NUDCD1: variants seen among roughly 807,000 people sequenced by gnomAD.
The protein encoded by NUDCD1 is nudC domain-containing protein 1.
Under a neutral mutation model 67.8 loss-of-function variants are expected in NUDCD1, and 60 were observed. The ratio of observed to expected loss-of-function variants is 0.88; its 90% CI spans 0.72 to 1.10. The LOEUF is 1.10. Ranked by LOEUF, NUDCD1 falls within the 50% of genes least tolerant of loss-of-function variation. NUDCD1 has a pLI of 0.00. For missense variants in NUDCD1, 643 were observed against 695.0 expected, an observed-to-expected ratio of 0.93 and a Z score of 0.84; for synonymous variants, 244 against 230.8, an observed-to-expected ratio of 1.06 and a Z score of -0.52.
intron 2 of NUDCD1, among the ~76,000 whole-genome samples, chr8:109,309,852 T>C (rs1815200235): frequency 6.6e-6 from 1 of 151,482 alleles, no homozygotes; most frequent in Non-Finnish European, 1.5e-5. Context: ...CTCAACCCCT[T>C]TTACAATAGC....
At chr8:109,245,833 C>T (rs1176774587) in intron 8 of NUDCD1, among the ~76,000 whole-genome samples, 3 of 152,102 alleles carry the variant, frequency 2.0e-5, no homozygotes, top group Admixed American at 1.3e-4. Context: ...AGCAGGGGTC[C>T]CCAGTCACTG....
Position 109,275,451 on chromosome 8 carries a change from T to C in NUDCD1, c.1074A>G (p.Pro358=). The C allele has an allele frequency of 1.2e-6, 2 of 1,613,546 alleles. No individual in the cohort carries two copies. The highest frequency in any genetic ancestry group is 2.2e-5 in the South Asian group (2 of 91,060). The change falls in exon 7 of 10, where the codon CCA becomes CCG. Residue 358 remains proline, a synonymous_variant. Coordinates refer to ENST00000239690, the MANE Select transcript of NUDCD1 (RefSeq NM_032869.4). ...LIKKNEGLTW[P]ELVIGDKQGE... is the part of the protein sequence containing the mutation. The stretch of plus-strand genomic sequence containing the variant: ...CTTGTTTATCTCCAATTACTAGCTC[T>C]GGCCAGGTCAGTCCTTCATTCTTCT...
At chr8:109,318,668 G>A (rs1371327115) in intron 2 of NUDCD1, among the ~76,000 whole-genome samples, 1 of 152,112 alleles carries the variant, frequency 6.6e-6, no homozygotes, top group African/African-American at 2.4e-5. Flanking sequence ...ATCTGTTTTA[G>A]GAGTCACCTG....
intron 7 of NUDCD1, among the ~76,000 whole-genome samples, chr8:109,271,556 G>A (rs1362050548): frequency 6.6e-6 from 1 of 152,100 alleles, no homozygotes; most frequent in Non-Finnish European, 1.5e-5. Flanking sequence ...ATAAAAGCAG[G>A]GAAACTCAGT....
At chr8:109,275,644 T>G in intron 6 of NUDCD1, 148 bp from the exon 7 acceptor site, 1 of 648,238 alleles carries the variant, frequency 1.5e-6, no homozygotes, top group Non-Finnish European at 2.6e-6. Flanking sequence ...CTCATTTAAG[T>G]TTTGCATGTG....
At chr8:109,311,559 G>GTGTGTGTATGTATATATATATATATATA in intron 2 of NUDCD1, among the ~76,000 whole-genome samples, 16 of 125,162 alleles carry the variant, frequency 1.3e-4, no homozygotes, top group African/African-American at 4.9e-4. Flanking sequence ...AAACTGTGGT[G>GTGTGTGTATGTATATATATATATATATA]TATATATATA....
intron 5 of NUDCD1, among the ~76,000 whole-genome samples, chr8:109,281,495 AACAC>A (rs150164647): frequency 1.3e-5 from 2 of 151,290 alleles, no homozygotes; most frequent in African/African-American, 4.9e-5. Flanking sequence ...CCTTTAAACA[AACAC>A]ACACACACAC....
intron 2 of NUDCD1, among the ~76,000 whole-genome samples, chr8:109,309,689 A>T (rs933849248): frequency 2.0e-5 from 3 of 152,160 alleles, no homozygotes; most frequent in Admixed American, 6.5e-5. Flanking sequence ...TGATGATATA[A>T]CTATTTACCT....
chr8:109,310,800 A>C (rs1815226216), intron 2 of NUDCD1, among the ~76,000 whole-genome samples: 1 of 150,574 alleles, frequency 6.6e-6, no homozygotes, highest in Non-Finnish European at 1.5e-5. Flanking sequence ...AAGGACGTGA[A>C]TAGACAATTC....
intron 5 of NUDCD1, among the ~76,000 whole-genome samples, chr8:109,284,619 G>A (rs1416416132): frequency 6.6e-6 from 1 of 151,746 alleles, no homozygotes; most frequent in African/African-American, 2.4e-5. Context: ...TCAATACCAA[G>A]AAGATCTCTC....
At chr8:109,277,530 A>G (rs1458747156) in intron 6 of NUDCD1, among the ~76,000 whole-genome samples, 1 of 152,204 alleles carries the variant, frequency 6.6e-6, no homozygotes. Context: ...ATCTTTCCAA[A>G]GTGAGACAAC....
rs190556716 is a variant in NUDCD1, at chr8:109,319,085, T to C, written c.273+3224A>G. ...GCCTCCCAGGTTCACGCCATTCTCC[T>C]GCCTCAGCCTCCTGAGTAGCTGGGA... On this transcript the variant is annotated intron_variant, in intron 2 of 9. Transcript: ENST00000239690. Among the ~76,000 whole-genome samples the C allele has an allele frequency of 9.8e-3, 1,490 of 151,822 alleles. 35 individuals are homozygous for C. The highest frequency in any genetic ancestry group is 0.034 in the African/African-American group (1,419 of 41,382).
intron 4 of NUDCD1, 114 bp downstream of exon 4, chr8:109,293,230 A>T: frequency 3.7e-6 from 2 of 542,084 alleles, no homozygotes; most frequent in Non-Finnish European, 6.5e-6. Flanking sequence ...CAGGTGCCAG[A>T]ATTGTAACAC....
intron 2 of NUDCD1, among the ~76,000 whole-genome samples, chr8:109,307,405 CT>C (rs1348798991): frequency 6.6e-6 from 1 of 152,190 alleles, no homozygotes; most frequent in African/African-American, 2.4e-5. Flanking sequence ...AATAAACAGC[CT>C]TGTGGCTCAC....
chr8:109,283,989 T>TAAAAAAAA (rs58089818), intron 5 of NUDCD1, among the ~76,000 whole-genome samples: 1 of 133,152 alleles, frequency 7.5e-6, no homozygotes, highest in Non-Finnish European at 1.6e-5. Context: ...AAAGCTGGAT[T>TAAAAAAAA]AAAAAAAAAA....
chr8:109,286,893 C>A (rs1173476757), intron 5 of NUDCD1, among the ~76,000 whole-genome samples: 1 of 152,008 alleles, frequency 6.6e-6, no homozygotes, highest in Non-Finnish European at 1.5e-5. Flanking sequence ...AATATCAAGG[C>A]TCTATAAGGA....
At chr8:109,277,800 T>C (rs533337788) in intron 6 of NUDCD1, among the ~76,000 whole-genome samples, 19 of 152,306 alleles carry the variant, frequency 1.2e-4, no homozygotes, top group African/African-American at 4.3e-4. Context: ...CAATATGTTC[T>C]AGTTGGCTTG....
intron 8 of NUDCD1, among the ~76,000 whole-genome samples, chr8:109,254,387 G>C (rs1300707590): frequency 6.6e-6 from 1 of 152,114 alleles, no homozygotes; most frequent in East Asian, 1.9e-4. Flanking sequence ...TTCCAAGGGG[G>C]AAAAGAAGGC....
At chr8:109,263,000 A>G (rs1266011836) in intron 8 of NUDCD1, among the ~76,000 whole-genome samples, 1 of 137,746 alleles carries the variant, frequency 7.3e-6, no homozygotes, top group East Asian at 2.3e-4. Flanking sequence ...GGTTGCAGTG[A>G]GCCGAGATCG....
Sources: gnomAD v4.1 joint callset for allele counts (sites outside exome capture counted in the v4.1 genomes callset) on GRCh38, gnomAD v4.1.1 for gene constraint, MANE v1.5 for transcripts, NCBI Gene and HGNC (gene_info 2026-07-23, HGNC 2026-07-21) for gene names.